Variants in PALM2AKAP2 observed in about 807,000 individuals in gnomAD.
PALM2AKAP2 encodes the protein PALM2 and AKAP2 fusion, also known as PALM2-AKAP2 fusion protein.
A neutral mutation model predicts 71.5 loss-of-function variants in PALM2AKAP2; 37 were observed. The ratio of observed to expected loss-of-function variants is 0.52; its 90% confidence interval spans 0.40 to 0.68. PALM2AKAP2 has a LOEUF of 0.68. Ranked by LOEUF, PALM2AKAP2 falls within the 30% of genes least tolerant of loss-of-function variation. The probability of loss-of-function intolerance (pLI) is 0.00; values close to 1 mark genes in which losing one functional copy is unlikely to be tolerated. For missense variants in PALM2AKAP2, 1,224 were observed against 1,191.8 expected (o/e 1.03, Z -0.40); for synonymous variants, 468 against 478.8 (o/e 0.98, Z 0.29).
chr9:110,158,398 AGT>A (rs1836512122), intron 3 of PALM2AKAP2, among the ~76,000 whole-genome samples: 1 of 152,204 alleles, frequency 6.6e-6, no homozygotes, highest in African/African-American at 2.4e-5. Flanking sequence ...GACCCACGCG[AGT>A]GTTTGCTGAA....
chr9:109,936,624 C>G (rs913586184), intron 6 of PALM2AKAP2, among the ~76,000 whole-genome samples: 1 of 152,216 alleles, frequency 6.6e-6, no homozygotes, highest in Non-Finnish European at 1.5e-5. Context: ...CCTGACCCCC[C>G]ATGGATGACA....
At chr9:109,813,774 G>A (rs1156489861) in intron 1 of PALM2AKAP2, among the ~76,000 whole-genome samples, 4 of 152,222 alleles carry the variant, frequency 2.6e-5, no homozygotes, top group African/African-American at 9.6e-5. Context: ...GTGTTGTCCT[G>A]GACTTTTCAA....
intron 1 of PALM2AKAP2, chr9:110,048,988 CT>C: frequency 2.5e-6 from 3 of 1,196,834 alleles, no homozygotes; most frequent in Non-Finnish European, 3.3e-6. Flanking sequence ...TTTTAAAGGG[CT>C]TTTTGTGGTC....
At chr9:109,964,778 A>C (rs1361185675) in intron 6 of PALM2AKAP2, among the ~76,000 whole-genome samples, 1 of 152,162 alleles carries the variant, frequency 6.6e-6, no homozygotes, top group Non-Finnish European at 1.5e-5. Context: ...ACCCTAAATC[A>C]AAAAATGGCA....
intron 1 of PALM2AKAP2, among the ~76,000 whole-genome samples, chr9:109,737,178 G>T: frequency 6.6e-6 from 1 of 152,204 alleles, no homozygotes. Flanking sequence ...GGCACCAAAG[G>T]GATCCTGGAA....
chr9:110,161,996 C>G, intron 3 of PALM2AKAP2, 98 bp from the exon 10 acceptor site: 10 of 1,497,000 alleles, frequency 6.7e-6, no homozygotes, highest in Non-Finnish European at 9.3e-6. Flanking sequence ...TACTTCCCCT[C>G]CCATCCTCTT....
At chr9:109,708,935 G>T (rs377248887) in intron 1 of PALM2AKAP2, among the ~76,000 whole-genome samples, 2 of 152,164 alleles carry the variant, frequency 1.3e-5, no homozygotes, top group Non-Finnish European at 2.9e-5. Flanking sequence ...GGCTGTGCAG[G>T]AGAATTCAGA....
chr9:109,706,506 A>G lies in PALM2AKAP2; in HGVS notation c.5+65640A>G, dbSNP rs117888807. Among the ~76,000 whole-genome samples, 1,211 of 152,332 alleles carry G rather than the reference A, an allele frequency of 7.9e-3. 9 individuals are homozygous for G. Among genetic ancestry groups the G allele is most frequent in the South Asian group, 0.02 (95 of 4,832 alleles). ...TTGGAAAAAAGTTTGACTCTTTCACAAAATGCTAAACATAGAGTTACAATA... is the reference window on the plus strand; with the variant it reads ...TTGGAAAAAAGTTTGACTCTTTCACGAAATGCTAAACATAGAGTTACAATA... On this transcript the variant is annotated intron_variant, in intron 1 of 6. Coordinates refer to the PALM2AKAP2 transcript ENST00000374531.
intron 1 of PALM2AKAP2, among the ~76,000 whole-genome samples, chr9:109,649,524 AT>A (rs889269066): frequency 6.6e-6 from 1 of 152,100 alleles, no homozygotes; most frequent in African/African-American, 2.4e-5. Context: ...CATGTATCCA[AT>A]TTTTTTGAAT....
rs576040207 is a variant in PALM2AKAP2, at chr9:109,981,622, T to C, written c.497-34332T>C. 2.0e-5 allele frequency among the ~76,000 whole-genome samples: 3 copies of C among 152,346 alleles called. No individual in the cohort carries two copies. In the East Asian group the frequency reaches 5.8e-4, roughly 29 times the overall value. On this transcript the variant is annotated intron_variant, in intron 6 of 9. Coordinates refer to the PALM2AKAP2 transcript ENST00000302798. Reference sequence around the variant, plus strand: ...CATGGAACTGAAACAGGGACAGTGCTGAGAGGGAGGTTTTGTTTTGTTGTT... The same window carrying C: ...CATGGAACTGAAACAGGGACAGTGCCGAGAGGGAGGTTTTGTTTTGTTGTT...
At chr9:109,798,915 T>C (rs1274108745) in intron 1 of PALM2AKAP2, among the ~76,000 whole-genome samples, 5 of 152,246 alleles carry the variant, frequency 3.3e-5, no homozygotes, top group African/African-American at 9.6e-5. Context: ...TCCATGTCTC[T>C]ATGTCAGCTG....
chr9:109,778,173 T>C (rs1829375188), upstream of PALM2AKAP2, among the ~76,000 whole-genome samples: 1 of 152,144 alleles, frequency 6.6e-6, no homozygotes, highest in South Asian at 2.1e-4. Flanking sequence ...TAGCTGGGAG[T>C]AGAAGGACCA....
At chr9:109,706,471 T>C (rs1040995460) in intron 1 of PALM2AKAP2, among the ~76,000 whole-genome samples, 13 of 152,274 alleles carry the variant, frequency 8.5e-5, no homozygotes, top group Admixed American at 7.2e-4. Flanking sequence ...TATAAAGTGG[T>C]GCAGCCACTT....
At position 109,900,039 on chromosome 9, in the gene PALM2AKAP2, A is replaced by T. The variant is rs150211556; in HGVS notation, c.257+19358A>T. ...TGCCAGGCTCAATGGGTTTTCAAAC[A>T]TATTTACATAAAGAAAGAAAACAAT... On this transcript the variant is annotated intron_variant, in intron 3 of 9. Coordinates refer to the PALM2AKAP2 transcript ENST00000302798. Among the ~76,000 whole-genome samples, 24 of 152,338 alleles carry T rather than the reference A, an allele frequency of 1.6e-4. No homozygotes were observed. In the East Asian group the frequency reaches 2.5e-3, roughly 16 times the overall value.
intron 1 of PALM2AKAP2, among the ~76,000 whole-genome samples, chr9:110,064,633 G>A (rs965733108): frequency 6.6e-6 from 1 of 152,214 alleles, no homozygotes; most frequent in African/African-American, 2.4e-5. Context: ...TTACTGCCAC[G>A]GCAGCTCTCT....
intron 1 of PALM2AKAP2, among the ~76,000 whole-genome samples, chr9:109,802,750 G>C (rs1244078612): frequency 6.6e-6 from 1 of 152,214 alleles, no homozygotes; most frequent in Admixed American, 6.5e-5. Flanking sequence ...ACACCTAGGT[G>C]CAAAGAAAGC....
At chr9:110,137,532 C>G (rs1474130287) in exon 2 of PALM2AKAP2, 4 of 1,614,160 alleles carry the variant, frequency 2.5e-6, no homozygotes, top group Non-Finnish European at 8.5e-7. Flanking sequence ...AAACTGTGGG[C>G]TGAGGATGGA....
chr9:110,132,769 C>A (rs1835763455), intron 1 of PALM2AKAP2, among the ~76,000 whole-genome samples: 4 of 152,004 alleles, frequency 2.6e-5, no homozygotes, highest in Admixed American at 6.6e-5. Flanking sequence ...ACCACCATGC[C>A]TGGCTAACTT....
chr9:110,119,919 A>G (rs1381193158), intron 1 of PALM2AKAP2, among the ~76,000 whole-genome samples: 1 of 152,178 alleles, frequency 6.6e-6, no homozygotes, highest in Non-Finnish European at 1.5e-5. Flanking sequence ...TGAGCATGTC[A>G]TGTTTTACAA....
Sources: gnomAD v4.1 joint callset for allele counts (sites outside exome capture counted in the v4.1 genomes callset) on GRCh38, gnomAD v4.1.1 for gene constraint, MANE v1.5 for transcripts, NCBI Gene and HGNC (gene_info 2026-07-23, HGNC 2026-07-21) for gene names.